Variants in PLD1 observed in about 807,000 individuals in gnomAD.
The protein encoded by PLD1 is choline phosphatase 1.
Under a neutral mutation model 137.1 loss-of-function variants are expected in PLD1, and 112 were observed. The ratio of observed to expected loss-of-function variants is 0.82; its 90% CI spans 0.70 to 0.96. The LOEUF is 0.96. Ranked by LOEUF, PLD1 falls within the 40% of genes least tolerant of loss-of-function variation. PLD1 has a pLI of 0.00. For synonymous variants in PLD1, 431 were observed against 454.7 expected (o/e 0.95, Z 0.66); for missense variants, 1,321 against 1,342.0 (o/e 0.98, Z 0.24).
At chr3:171,676,652 C>T in intron 18 of PLD1, 63 bp downstream of exon 18, 3 of 1,269,420 alleles carry the variant, frequency 2.4e-6, no homozygotes, top group African/African-American at 2.9e-5. Context: ...TCCTCTAAAC[C>T]TCTTCTCTAG....
intron 1 of PLD1, among the ~76,000 whole-genome samples, chr3:171,803,882 A>G (rs1347086990): frequency 6.6e-6 from 1 of 152,246 alleles, no homozygotes; most frequent in Admixed American, 6.5e-5. Context: ...TAAATTTAGT[A>G]AAATAATTAG....
chr3:171,685,893 CG>C (rs753496646), intron 16 of PLD1, among the ~76,000 whole-genome samples: 7 of 152,052 alleles, frequency 4.6e-5, no homozygotes, highest in Non-Finnish European at 7.4e-5. Flanking sequence ...CCAAGGCAGA[CG>C]GATCACTTGA....
chr3:171,650,659 G>T (rs959952641), intron 21 of PLD1, among the ~76,000 whole-genome samples: 1 of 152,204 alleles, frequency 6.6e-6, no homozygotes, highest in African/African-American at 2.4e-5. Context: ...CCCTCCTATT[G>T]TGTGGAAATG....
chr3:171,689,657 T>C (rs900994195), intron 13 of PLD1, among the ~76,000 whole-genome samples: 5 of 152,140 alleles, frequency 3.3e-5, no homozygotes, highest in Admixed American at 2.6e-4. Context: ...TGTACCACCA[T>C]GCCTGGCTAA....
intron 1 of PLD1, among the ~76,000 whole-genome samples, chr3:171,748,950 G>A (rs929696262): frequency 6.6e-6 from 1 of 151,366 alleles, no homozygotes; most frequent in Admixed American, 6.6e-5. Context: ...TCCCCCCTAA[G>A]CACAGGAACT....
intron 23 of PLD1, among the ~76,000 whole-genome samples, chr3:171,626,332 C>T (rs1240753669): frequency 6.6e-6 from 1 of 152,158 alleles, no homozygotes; most frequent in East Asian, 1.9e-4. Flanking sequence ...AACAAAGCCT[C>T]CAAGAAATAT....
chr3:171,605,276 G>C (rs1454289854), intron 26 of PLD1, 23 bp downstream of exon 26: 1 of 1,222,970 alleles, frequency 8.2e-7, no homozygotes, highest in Non-Finnish European at 1.2e-6. Context: ...AAGAAACGGA[G>C]GAGGGGAATA....
intron 1 of PLD1, among the ~76,000 whole-genome samples, chr3:171,753,741 T>G (rs531509133): frequency 6.6e-6 from 1 of 152,230 alleles, no homozygotes; most frequent in Admixed American, 6.5e-5. Context: ...GTCAACTCCC[T>G]CATCAACTTC....
chr3:171,744,043 T>C (rs918773978), intron 1 of PLD1, among the ~76,000 whole-genome samples: 1 of 152,172 alleles, frequency 6.6e-6, no homozygotes, highest in African/African-American at 2.4e-5. Flanking sequence ...CTGAGAGGCG[T>C]GTAACATGTT....
At chr3:171,700,034 TTC>T (rs112036117) in intron 11 of PLD1, among the ~76,000 whole-genome samples, 4 of 148,640 alleles carry the variant, frequency 2.7e-5, no homozygotes, top group Admixed American at 6.7e-5. Context: ...TCTTAGTTCT[TTC>T]TCTCTCTCTC....
chr3:171,703,030 A>T (rs771945459), intron 11 of PLD1, among the ~76,000 whole-genome samples: 1 of 152,218 alleles, frequency 6.6e-6, no homozygotes, highest in Non-Finnish European at 1.5e-5. Flanking sequence ...TTATCCTAAG[A>T]TATAAGGTTG....
intron 24 of PLD1, among the ~76,000 whole-genome samples, chr3:171,618,981 A>T (rs1733360983): frequency 6.6e-6 from 1 of 152,130 alleles, no homozygotes; most frequent in Non-Finnish European, 1.5e-5. Context: ...TTCTTCTCAG[A>T]TATGAGATAT....
Position 171,623,544 on chromosome 3 carries a change from G to A in PLD1, c.2594-3024C>T, listed in dbSNP as rs375839909. Among the ~76,000 whole-genome samples, 12 of 150,714 alleles carry A rather than the reference G, an allele frequency of 8.0e-5. No individual in the cohort carries two copies. The South Asian group carries it at 8.4e-4, about 11-fold the overall frequency. Reference sequence around the variant, plus strand: ...TCACCATGTTAGCCAGGATGGTCTCGACCTCCTGACCTCGTGATCCGCCCA... The same window carrying A: ...TCACCATGTTAGCCAGGATGGTCTCAACCTCCTGACCTCGTGATCCGCCCA... On this transcript the variant is annotated intron_variant, in intron 23 of 26. Coordinates refer to ENST00000351298, the MANE Select transcript of PLD1 (RefSeq NM_002662.5).
intron 25 of PLD1, chr3:171,611,463 C>A (rs761595833): frequency 2.5e-6 from 1 of 393,516 alleles, no homozygotes; most frequent in African/African-American, 2.1e-5. Context: ...TACAGCGCAG[C>A]CCTTGAAAGT....
At chr3:171,798,912 G>A (rs1319539651) in intron 1 of PLD1, among the ~76,000 whole-genome samples, 2 of 152,156 alleles carry the variant, frequency 1.3e-5, no homozygotes, top group Non-Finnish European at 2.9e-5. Context: ...AGGCATCGGA[G>A]CACAAAGGTT....
chr3:171,681,651 C>T (rs566213409), intron 16 of PLD1, among the ~76,000 whole-genome samples: 3 of 152,222 alleles, frequency 2.0e-5, no homozygotes, highest in African/African-American at 7.2e-5. Context: ...GGTTTGTAGA[C>T]CTGTATTTCG....
chr3:171,697,207 C>A (rs980336414), intron 12 of PLD1, among the ~76,000 whole-genome samples: 1 of 142,930 alleles, frequency 7.0e-6, no homozygotes, highest in Non-Finnish European at 1.5e-5. Flanking sequence ...TTCCCAGTTT[C>A]TTCCACTATC....
chr3:171,681,602 G>A (rs896262593), intron 16 of PLD1, among the ~76,000 whole-genome samples: 12 of 152,016 alleles, frequency 7.9e-5, no homozygotes, highest in African/African-American at 2.9e-4. Flanking sequence ...AAAATATTTT[G>A]GTTTTCAAAA....
chr3:171,728,047 C>A (rs925907082), intron 6 of PLD1, among the ~76,000 whole-genome samples: 2 of 152,142 alleles, frequency 1.3e-5, no homozygotes, highest in Admixed American at 6.5e-5. Context: ...TAGTGGCTCA[C>A]GCCTGTAATC....
Sources: gnomAD v4.1 joint callset for allele counts (sites outside exome capture counted in the v4.1 genomes callset) on GRCh38, gnomAD v4.1.1 for gene constraint, MANE v1.5 for transcripts, NCBI Gene and HGNC (gene_info 2026-07-23, HGNC 2026-07-21) for gene names.